Variants in L3MBTL3 observed in about 807,000 individuals in gnomAD.
The protein encoded by L3MBTL3 is L3MBTL histone methyl-lysine binding protein 3.
Under a neutral mutation model 102.3 loss-of-function variants are expected in L3MBTL3, and 27 were observed. The ratio of observed to expected loss-of-function variants is 0.26; its 90% CI spans 0.19 to 0.36. L3MBTL3 has a LOEUF of 0.36. Among genes scored for constraint, L3MBTL3 ranks in the 10% least tolerant of loss-of-function variants. L3MBTL3 has a pLI of 1.00. For missense variants in L3MBTL3, 798 were observed against 955.3 expected, an observed-to-expected ratio of 0.84 and a Z score of 2.17; for synonymous variants, 340 against 320.9, an observed-to-expected ratio of 1.06 and a Z score of -0.64.
chr6:130,081,179 A>G (rs1476504806), intron 14 of L3MBTL3, among the ~76,000 whole-genome samples: 2 of 152,232 alleles, frequency 1.3e-5, no homozygotes, highest in African/African-American at 2.4e-5. Flanking sequence ...TTATACATTA[A>G]TGCATGCTTG....
chr6:130,067,626 AAAAG>A (rs1350323186), intron 11 of L3MBTL3, among the ~76,000 whole-genome samples: 4 of 152,240 alleles, frequency 2.6e-5, no homozygotes, highest in Non-Finnish European at 5.9e-5. Flanking sequence ...GTGAGGGTGA[AAAAG>A]AAAATCTGTA....
chr6:130,092,387 T>A (rs1358425896), intron 16 of L3MBTL3, among the ~76,000 whole-genome samples: 1 of 152,094 alleles, frequency 6.6e-6, no homozygotes, highest in Non-Finnish European at 1.5e-5. Context: ...CCTGAATTTT[T>A]AACTCCTTCT....
chr6:130,105,141 G>A (rs1193817215), intron 19 of L3MBTL3, among the ~76,000 whole-genome samples: 1 of 152,128 alleles, frequency 6.6e-6, no homozygotes, highest in Non-Finnish European at 1.5e-5. Flanking sequence ...TCCATTCCCT[G>A]ATATTAACTG....
intron 2 of L3MBTL3, among the ~76,000 whole-genome samples, chr6:130,037,568 C>G (rs1780138712): frequency 6.6e-6 from 1 of 152,098 alleles, no homozygotes; most frequent in Non-Finnish European, 1.5e-5. Flanking sequence ...AATTCTTTCT[C>G]AGCTCTTTAC....
intron 14 of L3MBTL3, among the ~76,000 whole-genome samples, chr6:130,082,869 A>G (rs1382535255): frequency 6.6e-6 from 1 of 152,216 alleles, no homozygotes; most frequent in East Asian, 1.9e-4. Flanking sequence ...TTATGCCATT[A>G]GTTCCAATTC....
chr6:130,052,111 CTTTT>C (rs374543945), intron 6 of L3MBTL3, among the ~76,000 whole-genome samples: 1 of 144,550 alleles, frequency 6.9e-6, no homozygotes, highest in African/African-American at 2.5e-5. Flanking sequence ...TTTTCTTTTT[CTTTT>C]TTTTTTTTTG....
intron 11 of L3MBTL3, 52 bp from the exon 12 acceptor site, chr6:130,068,278 G>C: frequency 1.1e-6 from 1 of 946,714 alleles, no homozygotes; most frequent in Non-Finnish European, 1.7e-6. Context: ...GGAAAACTAA[G>C]TGTAAAATAT....
At position 130,018,613 on chromosome 6, in the gene L3MBTL3, A is replaced by G. The variant is rs1489018764; in HGVS notation, c.-146A>G. The G allele has an allele frequency of 2.0e-5, 3 of 153,568 alleles. No individual in the cohort carries two copies. The highest frequency in any genetic ancestry group is 4.4e-5 in the Non-Finnish European group (3 of 68,394). The allele number at this position is 153,568 out of a possible 1,614,324, so 9.5% of individuals were successfully genotyped here. On this transcript the variant is annotated 5_prime_UTR_variant, in exon 1 of 23. Transcript: ENST00000361794. ...CGCATTGCGCCCGCAGCCCTGGACCATTTGTCAGGACTACTCGTGAGACGG... is the reference window on the plus strand; with the variant it reads ...CGCATTGCGCCCGCAGCCCTGGACCGTTTGTCAGGACTACTCGTGAGACGG...
chr6:130,107,057 T>A (rs915780743), intron 19 of L3MBTL3, among the ~76,000 whole-genome samples: 1 of 152,222 alleles, frequency 6.6e-6, no homozygotes, highest in African/African-American at 2.4e-5. Context: ...ATGACCATCC[T>A]CTGGCCTGAG....
At position 130,115,412 on chromosome 6, in the gene L3MBTL3, C is replaced by T. The variant is rs554180411; in HGVS notation, c.1887-5467C>T. On this transcript the variant is annotated intron_variant, in intron 19 of 22. Transcript: ENST00000361794. ...TTTCCTGCTGGACTTAAAGAGGTGG[C>T]GGAAATCGATAAATCCCTAAATTGG... Among the ~76,000 whole-genome samples, 94 of 152,188 alleles carry T rather than the reference C, an allele frequency of 6.2e-4. 1 individual carries two copies. The South Asian group carries it at 0.015, about 25-fold the overall frequency.
chr6:130,079,707 G>C lies in L3MBTL3; in HGVS notation c.1321+1073G>C, dbSNP rs191787696. Among the ~76,000 whole-genome samples the C allele has an allele frequency of 2.0e-5, 3 of 152,266 alleles. No individual in the cohort carries two copies. In the East Asian group the frequency reaches 5.8e-4, roughly 29 times the overall value. On this transcript the variant is annotated intron_variant, in intron 14 of 22. Coordinates refer to ENST00000361794, the MANE Select transcript of L3MBTL3 (RefSeq NM_032438.4). Reference sequence around the variant, plus strand: ...CTGCAGCATGTAAGCTGCAAGATTGGAGAGCTTCAAATTCTATTGGAACAG... The same window carrying C: ...CTGCAGCATGTAAGCTGCAAGATTGCAGAGCTTCAAATTCTATTGGAACAG...
chr6:130,116,054 T>G (rs1333264766), intron 19 of L3MBTL3, among the ~76,000 whole-genome samples: 2 of 152,228 alleles, frequency 1.3e-5, no homozygotes, highest in Non-Finnish European at 1.5e-5. Flanking sequence ...ACCTGGGTTA[T>G]AACCCAGACA....
chr6:130,108,326 C>G (rs1323383023), intron 19 of L3MBTL3, among the ~76,000 whole-genome samples: 1 of 150,784 alleles, frequency 6.6e-6, no homozygotes, highest in Non-Finnish European at 1.5e-5. Flanking sequence ...CCTCCGCCTC[C>G]CAGGTTCAAG....
chr6:130,139,535 A>T lies in L3MBTL3; in HGVS notation c.2200-75A>T. The T allele has an allele frequency of 5.9e-6, 8 of 1,361,092 alleles. No homozygotes were observed. The Middle Eastern group carries it at 1.1e-3, about 195-fold the overall frequency. The allele number at this position is 1,361,092 out of a possible 1,614,324, so 84.3% of individuals were successfully genotyped here. ...CATTGCTATGTAGAAGACAGCTGGTAATTTAACCTTGAATATTTTCTACAA... is the reference window on the plus strand; with the variant it reads ...CATTGCTATGTAGAAGACAGCTGGTTATTTAACCTTGAATATTTTCTACAA... On this transcript the variant is annotated intron_variant, in intron 22 of 22. Transcript: ENST00000361794.
At chr6:130,105,310 A>G (rs1784919430) in intron 19 of L3MBTL3, among the ~76,000 whole-genome samples, 1 of 152,190 alleles carries the variant, frequency 6.6e-6, no homozygotes, top group African/African-American at 2.4e-5. Flanking sequence ...GTGGGCATTT[A>G]AATCAATGCA....
At chr6:130,066,557 T>A in intron 11 of L3MBTL3, 69 bp downstream of exon 11, 1 of 1,355,554 alleles carries the variant, frequency 7.4e-7, no homozygotes, top group South Asian at 1.3e-5. Context: ...TACATTAGAA[T>A]TGTTAAGAAT....
At chr6:130,055,665 TCTCTCCCTCC>T (rs1562271197) in intron 8 of L3MBTL3, among the ~76,000 whole-genome samples, 1 of 34,888 alleles carries the variant, frequency 2.9e-5, no homozygotes, top group Non-Finnish European at 1.0e-4. Flanking sequence ...TCCCTCCCTC[TCTCTCCCTCC>T]CTCCATCCCT....
chr6:130,056,401 C>T (rs142269822), intron 8 of L3MBTL3, among the ~76,000 whole-genome samples: 28 of 152,302 alleles, frequency 1.8e-4, no homozygotes, highest in African/African-American at 6.0e-4. Context: ...GGCTCTATCC[C>T]CTTGCCTGCC....
At chr6:130,110,634 C>T (rs1180341290) in intron 19 of L3MBTL3, among the ~76,000 whole-genome samples, 1 of 152,130 alleles carries the variant, frequency 6.6e-6, no homozygotes, top group Non-Finnish European at 1.5e-5. Flanking sequence ...ATCATGTCGT[C>T]CACAAACAGA....
Sources: gnomAD v4.1 joint callset for allele counts (sites outside exome capture counted in the v4.1 genomes callset) on GRCh38, gnomAD v4.1.1 for gene constraint, MANE v1.5 for transcripts, NCBI Gene and HGNC (gene_info 2026-07-23, HGNC 2026-07-21) for gene names.